The following CDKAL1 variants were observed in gnomAD, a reference collection of about 807,000 sequenced individuals.
CDKAL1 encodes the protein threonylcarbamoyladenosine tRNA methylthiotransferase.
A neutral mutation model predicts 68.2 loss-of-function variants in CDKAL1; 32 were observed. The observed-to-expected ratio is 0.47, with a 90% CI of 0.35 to 0.63. The LOEUF is 0.63. Ranked by LOEUF, CDKAL1 falls within the 30% of genes least tolerant of loss-of-function variation. The probability of loss-of-function intolerance (pLI) is 0.00; values close to 1 mark genes in which losing one functional copy is unlikely to be tolerated. For synonymous variants in CDKAL1, 234 were observed against 244.3 expected (o/e 0.96, Z 0.39); for missense variants, 606 against 696.7 (o/e 0.87, Z 1.47).
rs148352340 is a variant in CDKAL1 at position 20,817,859 on chromosome 6, G to A, written c.639-28216G>A. ...ATCAGTAAGGAACTTTTATCATAGG[G>A]TGTTTGTGAAAAAAGAACTGCCTGA... On this transcript the variant is annotated intron_variant, in intron 8 of 15. Transcript: ENST00000274695. Among the ~76,000 whole-genome samples, 119 of 151,974 alleles carry A rather than the reference G, an allele frequency of 7.8e-4. 1 individual carries two copies. The highest frequency in any genetic ancestry group is 2.6e-3 in the African/African-American group (109 of 41,352).
At chr6:20,676,438 C>T (rs1245854604) in intron 5 of CDKAL1, among the ~76,000 whole-genome samples, 1 of 151,940 alleles carries the variant, frequency 6.6e-6, no homozygotes, top group Non-Finnish European at 1.5e-5. Flanking sequence ...GAGGCCGATG[C>T]GTGCGGGTCA....
At chr6:20,897,955 A>G (rs1247721697) in intron 9 of CDKAL1, among the ~76,000 whole-genome samples, 1 of 152,198 alleles carries the variant, frequency 6.6e-6, no homozygotes, top group Non-Finnish European at 1.5e-5. Context: ...ACTCAGTCAA[A>G]GGTCTGATGA....
chr6:21,032,757 T>G (rs1769365154), intron 11 of CDKAL1, among the ~76,000 whole-genome samples: 1 of 152,192 alleles, frequency 6.6e-6, no homozygotes, highest in Non-Finnish European at 1.5e-5. Context: ...CTGTACCATA[T>G]AGCCTAGGCG....
chr6:20,956,092 A>G (rs1186639616), intron 10 of CDKAL1, among the ~76,000 whole-genome samples: 1 of 152,144 alleles, frequency 6.6e-6, no homozygotes, highest in Non-Finnish European at 1.5e-5. Flanking sequence ...AGAGCAAGGT[A>G]CTCTTCCACT....
Position 20,579,190 on chromosome 6 carries a change from G to T in CDKAL1, c.286+30485G>T, listed in dbSNP as rs115224918. ...AGACAGGGTTCAACTTGTTGCCCTG[G>T]CTGGTCTCGAACTCCTGACCTGAAG... On this transcript the variant is annotated intron_variant, in intron 4 of 15. Transcript: ENST00000274695. 3.9e-3 allele frequency among the ~76,000 whole-genome samples: 594 copies of T among 152,126 alleles called. 1 individual carries two copies. The highest frequency in any genetic ancestry group is 6.5e-3 in the Non-Finnish European group (445 of 67,998).
At chr6:20,616,257 G>A (rs146216002) in intron 4 of CDKAL1, among the ~76,000 whole-genome samples, 7,527 of 152,036 alleles carry the variant, frequency 0.05, 568 homozygotes, top group African/African-American at 0.17. Context: ...TTGCCTTGGC[G>A]ATGCGGGCTC....
chr6:21,032,479 G>C (rs1008725609), intron 11 of CDKAL1, among the ~76,000 whole-genome samples: 2 of 152,040 alleles, frequency 1.3e-5, no homozygotes, highest in African/African-American at 4.8e-5. Context: ...CTCCCAAATA[G>C]AGCTGATTAT....
At chr6:21,071,249 T>C (rs2150942897) in intron 12 of CDKAL1, among the ~76,000 whole-genome samples, 1 of 152,254 alleles carries the variant, frequency 6.6e-6, no homozygotes, top group Middle Eastern at 3.4e-3. Flanking sequence ...GATTGGATCA[T>C]GGGGGCAGAT....
intron 5 of CDKAL1, among the ~76,000 whole-genome samples, chr6:20,666,710 T>G (rs1769564425): frequency 6.7e-6 from 1 of 149,946 alleles, no homozygotes; most frequent in Non-Finnish European, 1.5e-5. Context: ...TTTTTTGACT[T>G]ATTAGTGATT....
chr6:20,904,503 A>G (rs1762146598), intron 9 of CDKAL1, among the ~76,000 whole-genome samples: 1 of 152,006 alleles, frequency 6.6e-6, no homozygotes, highest in African/African-American at 2.4e-5. Flanking sequence ...AAGTCACTAC[A>G]TGTGGGTCTG....
chr6:21,094,354 A>G (rs922923527), intron 12 of CDKAL1, among the ~76,000 whole-genome samples: 1 of 152,238 alleles, frequency 6.6e-6, no homozygotes, highest in Non-Finnish European at 1.5e-5. Context: ...CAGAAATGGG[A>G]AAGGGAAGCT....
At chr6:20,602,726 T>G (rs1766158341) in intron 4 of CDKAL1, among the ~76,000 whole-genome samples, 1 of 152,214 alleles carries the variant, frequency 6.6e-6, no homozygotes. Flanking sequence ...ACTTACTGAT[T>G]CAGCAGCCTC....
chr6:20,813,492 C>G (rs910308837), intron 8 of CDKAL1, among the ~76,000 whole-genome samples: 3 of 152,154 alleles, frequency 2.0e-5, no homozygotes, highest in Non-Finnish European at 4.4e-5. Flanking sequence ...TCAAGTATAA[C>G]TTGTACTTTT....
At chr6:21,189,570 C>A (rs890674878) in intron 13 of CDKAL1, among the ~76,000 whole-genome samples, 4 of 152,168 alleles carry the variant, frequency 2.6e-5, no homozygotes, top group South Asian at 2.1e-4. Context: ...AACTGTCCAA[C>A]ATCTTCTCTT....
At chr6:20,774,484 A>C (rs1224383358) in intron 7 of CDKAL1, among the ~76,000 whole-genome samples, 1 of 152,118 alleles carries the variant, frequency 6.6e-6, no homozygotes, top group Non-Finnish European at 1.5e-5. Flanking sequence ...TGATATGCTG[A>C]CAGGCCAGGC....
intron 10 of CDKAL1, among the ~76,000 whole-genome samples, chr6:20,990,329 A>G (rs1193258042): frequency 6.6e-6 from 1 of 152,184 alleles, no homozygotes; most frequent in Non-Finnish European, 1.5e-5. Context: ...AACTGTTAGC[A>G]TTTTATCATT....
chr6:21,222,591 T>C (rs903991457), intron 15 of CDKAL1, among the ~76,000 whole-genome samples: 1 of 152,172 alleles, frequency 6.6e-6, no homozygotes, highest in Non-Finnish European at 1.5e-5. Flanking sequence ...TTATATGATA[T>C]TAAAGAGCTC....
chr6:20,953,740 A>G (rs1764649675), intron 9 of CDKAL1, among the ~76,000 whole-genome samples: 1 of 152,244 alleles, frequency 6.6e-6, no homozygotes, highest in African/African-American at 2.4e-5. Flanking sequence ...GCCTATGGAC[A>G]TGCCAGACTA....
chr6:20,717,812 G>A (rs930858201), intron 5 of CDKAL1, among the ~76,000 whole-genome samples: 2 of 152,044 alleles, frequency 1.3e-5, no homozygotes, highest in Non-Finnish European at 2.9e-5. Flanking sequence ...TGTATATGGG[G>A]AATTTGAAAT....
Sources: allele counts gnomAD v4.1 joint callset (sites outside exome capture counted in the v4.1 genomes callset), GRCh38; gene constraint gnomAD v4.1.1; transcripts MANE v1.5; gene names NCBI Gene and HGNC (gene_info 2026-07-23, HGNC 2026-07-21).